ATP9B: variants seen among roughly 807,000 people sequenced by gnomAD.
The protein encoded by ATP9B is probable phospholipid-transporting ATPase IIB.
ATP9B carries 110 observed loss-of-function variants against 146.1 expected under a neutral mutation model. The ratio of observed to expected loss-of-function variants is 0.75; its 90% CI spans 0.65 to 0.88. The LOEUF (loss-of-function observed/expected upper bound fraction) is 0.88. Ranked by LOEUF, ATP9B falls within the 40% of genes least tolerant of loss-of-function variation. The pLI, the probability that ATP9B is intolerant of heterozygous loss-of-function variation, is 0.00. For synonymous variants in ATP9B, 604 were observed against 569.7 expected (o/e 1.06, Z -0.86); for missense variants, 1,499 against 1,496.4 (o/e 1.00, Z -0.03).
chr18:79,312,246 C>T (rs1348127107), intron 15 of ATP9B, among the ~76,000 whole-genome samples: 1 of 152,180 alleles, frequency 6.6e-6, no homozygotes, highest in Admixed American at 6.5e-5. Flanking sequence ...TTGGGTGGTG[C>T]CTTCTATGGA....
intron 7 of ATP9B, among the ~76,000 whole-genome samples, chr18:79,172,958 T>C (rs934273508): frequency 6.6e-6 from 1 of 152,234 alleles, no homozygotes; most frequent in Non-Finnish European, 1.5e-5. Flanking sequence ...GACAAACTCT[T>C]TTCCAGAGTT....
At chr18:79,321,898 A>G (rs1370542457) in intron 15 of ATP9B, among the ~76,000 whole-genome samples, 1 of 152,230 alleles carries the variant, frequency 6.6e-6, no homozygotes, top group Admixed American at 6.5e-5. Context: ...GATGCAATTT[A>G]CAGGTCAAAA....
chr18:79,330,605 G>C (rs1390769222), intron 17 of ATP9B, among the ~76,000 whole-genome samples: 1 of 152,096 alleles, frequency 6.6e-6, no homozygotes, highest in Non-Finnish European at 1.5e-5. Context: ...AGTAGAGACA[G>C]GGTTTCACCA....
intron 1 of ATP9B, among the ~76,000 whole-genome samples, chr18:79,071,889 G>GTTTTTT (rs71161758): frequency 7.7e-5 from 7 of 91,410 alleles, no homozygotes; most frequent in African/African-American, 2.6e-4. Context: ...GTTTGGTTTT[G>GTTTTTT]TTTTTTTTTT....
intron 13 of ATP9B, among the ~76,000 whole-genome samples, chr18:79,287,712 G>A (rs940776230): frequency 5.9e-5 from 9 of 152,066 alleles, no homozygotes; most frequent in African/African-American, 2.2e-4. Flanking sequence ...TGATGTTAGG[G>A]TGTCACTTTA....
chr18:79,327,375 G>A (rs2096753416), intron 15 of ATP9B, among the ~76,000 whole-genome samples: 1 of 152,216 alleles, frequency 6.6e-6, no homozygotes, highest in Non-Finnish European at 1.5e-5. Context: ...GACCCTGAGG[G>A]AAGCAGCTGT....
intron 11 of ATP9B, among the ~76,000 whole-genome samples, chr18:79,231,615 G>C (rs2095792273): frequency 6.6e-6 from 1 of 152,020 alleles, no homozygotes; most frequent in South Asian, 2.1e-4. Flanking sequence ...ACTACCATTT[G>C]ATCCAGCAGT....
At chr18:79,197,648 G>T (rs1170242232) in intron 9 of ATP9B, among the ~76,000 whole-genome samples, 1 of 152,114 alleles carries the variant, frequency 6.6e-6, no homozygotes, top group Non-Finnish European at 1.5e-5. Flanking sequence ...AAAGAAAGAG[G>T]TCAGTAGAGG....
chr18:79,157,382 G>A (rs1254325185), intron 7 of ATP9B, among the ~76,000 whole-genome samples: 1 of 97,172 alleles, frequency 1.0e-5, no homozygotes, highest in Non-Finnish European at 1.8e-5. Flanking sequence ...GGTGACGAGA[G>A]TGAAACTCCA....
chr18:79,106,793 G>T (rs913411479), intron 2 of ATP9B, among the ~76,000 whole-genome samples: 1 of 152,206 alleles, frequency 6.6e-6, no homozygotes, highest in African/African-American at 2.4e-5. Flanking sequence ...TCTCGAGTGA[G>T]AGTGATGTCA....
At chr18:79,341,275 G>A (rs1448683767) in intron 19 of ATP9B, among the ~76,000 whole-genome samples, 6 of 141,270 alleles carry the variant, frequency 4.2e-5, no homozygotes, top group African/African-American at 1.3e-4. Flanking sequence ...TGACCTCGTC[G>A]AAGTCTGTGT....
At chr18:79,128,260 A>G (rs558012423) in intron 5 of ATP9B, among the ~76,000 whole-genome samples, 44 of 151,866 alleles carry the variant, frequency 2.9e-4, no homozygotes, top group South Asian at 1.0e-3. Context: ...GGGTTTCACT[A>G]TGTTGGCCAG....
At chr18:79,232,274 T>A (rs2095800025) in intron 11 of ATP9B, among the ~76,000 whole-genome samples, 1 of 152,132 alleles carries the variant, frequency 6.6e-6, no homozygotes, top group South Asian at 2.1e-4. Context: ...AAACTGAGAT[T>A]TAATCATAAG....
intron 26 of ATP9B, chr18:79,364,271 A>T (rs909088828): frequency 3.3e-5 from 5 of 152,004 alleles, no homozygotes; most frequent in Non-Finnish European, 7.4e-5. Flanking sequence ...GTCTCAAAAA[A>T]AAAAAAAAAG....
chr18:79,235,506 C>T (rs963093698), intron 11 of ATP9B, among the ~76,000 whole-genome samples: 5 of 151,888 alleles, frequency 3.3e-5, no homozygotes, highest in African/African-American at 1.2e-4. Context: ...AATTATAATA[C>T]TTGTTTTCTG....
At chr18:79,276,770 C>T (rs1401568269) in intron 12 of ATP9B, among the ~76,000 whole-genome samples, 1 of 152,200 alleles carries the variant, frequency 6.6e-6, no homozygotes, top group Non-Finnish European at 1.5e-5. Flanking sequence ...TCAGTAAATA[C>T]ATTTATTTTA....
intron 8 of ATP9B, among the ~76,000 whole-genome samples, chr18:79,180,621 GTGTT>G (rs375092814): frequency 9.2e-5 from 14 of 152,242 alleles, no homozygotes; most frequent in African/African-American, 3.1e-4. Context: ...GTTTACCCAT[GTGTT>G]TGTTTACCTG....
chr18:79,224,476 C>T (rs1376548996), intron 11 of ATP9B, among the ~76,000 whole-genome samples: 1 of 152,082 alleles, frequency 6.6e-6, no homozygotes, highest in Non-Finnish European at 1.5e-5. Context: ...TATCACCTTC[C>T]CCAGGAGGAT....
chr18:79,326,087 CCCTCCCTCCCCTCACAT>C (rs1362253737), intron 15 of ATP9B, among the ~76,000 whole-genome samples: 34 of 58,638 alleles, frequency 5.8e-4, no homozygotes, highest in African/African-American at 2.7e-3. Flanking sequence ...CACCTCTGTA[CCCTCCCTCCCCTCACAT>C]GGTGTTAGGG....
Sources: gnomAD v4.1 joint callset for allele counts (sites outside exome capture counted in the v4.1 genomes callset) on GRCh38, gnomAD v4.1.1 for gene constraint, MANE v1.5 for transcripts, NCBI Gene and HGNC (gene_info 2026-07-23, HGNC 2026-07-21) for gene names.